DNAJC14: variants seen among roughly 807,000 people sequenced by gnomAD.
The protein encoded by DNAJC14 is DnaJ heat shock protein family (Hsp40) member C14.
In DNAJC14, 12 loss-of-function variants were observed where a neutral mutation model predicts 68.8. The ratio of observed to expected loss-of-function variants is 0.17; its 90% CI spans 0.11 to 0.28. The LOEUF (loss-of-function observed/expected upper bound fraction) is 0.28, where lower values mean the gene tolerates loss of function less well. Ranked by LOEUF, DNAJC14 falls within the 10% of genes least tolerant of loss-of-function variation. The pLI, the probability that DNAJC14 is intolerant of heterozygous loss-of-function variation, is 1.00. For synonymous variants in DNAJC14, 350 were observed against 321.5 expected (o/e 1.09, Z -0.95); for missense variants, 764 against 875.6 (o/e 0.87, Z 1.61).
In DNAJC14 at chr12:55,825,824, G is replaced by A. The variant is rs189189328; in HGVS notation, c.1407+1428C>T. 3.3e-3 allele frequency among the ~76,000 whole-genome samples: 495 copies of A among 151,708 alleles called. 1 individual carries two copies. Among genetic ancestry groups the A allele is most frequent in the Non-Finnish European group, 4.0e-3 (270 of 67,908 alleles). ...CTCCCAAAGTGCTGGGATTACAGGC[G>A]TAAGCCACCGCGCCTGGCCCTGCAC... On this transcript the variant is annotated intron_variant, in intron 2 of 6. Coordinates refer to ENST00000678005, the MANE Select transcript of DNAJC14 (RefSeq NM_032364.6).
In DNAJC14 at chr12:55,827,816, G is replaced by A; in HGVS notation, c.843C>T (p.Ser281=). 6.2e-7 allele frequency: 1 copy of A among 1,614,018 alleles called. No individual in the cohort carries two copies. Among genetic ancestry groups the A allele is most frequent in the South Asian group, 1.1e-5 (1 of 91,064 alleles). ...AAACTCGAAAAAGGTCCAAATCACTGCTTTTCAGTTGCCTGCAGGCATAGA... is the reference window on the plus strand; with the variant it reads ...AAACTCGAAAAAGGTCCAAATCACTACTTTTCAGTTGCCTGCAGGCATAGA... ...HLIYACRQLK[S]SDLDLFRVWM... The change falls in exon 2 of 7, where the codon AGC becomes AGT. Residue 281 remains serine, a synonymous_variant. Coordinates refer to ENST00000678005, the MANE Select transcript of DNAJC14 (RefSeq NM_032364.6).
At chr12:55,829,282 T>C in intron 1 of DNAJC14, 1 of 866,374 alleles carries the variant, frequency 1.2e-6, no homozygotes, top group Non-Finnish European at 1.4e-6. Context: ...CCGTCTCTAC[T>C]AAAAATACAG....
rs1880656723 is a variant in DNAJC14 at position 55,821,236 on chromosome 12, A to G, written c.*741T>C. 1 of 152,784 alleles carries G rather than the reference A, an allele frequency of 6.5e-6. No homozygotes were observed. Among genetic ancestry groups the G allele is most frequent in the East Asian group, 1.9e-4 (1 of 5,196 alleles). The allele number at this position is 152,784 out of a possible 1,614,324, so 9.5% of individuals were successfully genotyped here. The stretch of plus-strand genomic sequence containing the variant: ...TACCCACAAAGTGAAAGTCGAGGGA[A>G]AATTCAGTTTCCAGTCTCTGAACTC... On this transcript the variant is annotated 3_prime_UTR_variant, in exon 7 of 7. Coordinates refer to ENST00000678005, the MANE Select transcript of DNAJC14 (RefSeq NM_032364.6).
In DNAJC14 at chr12:55,822,169, A is replaced by G; in HGVS notation, c.1917T>C (p.Pro639=). Residue 639 remains proline, a synonymous_variant, in exon 7 of 7, where the codon CCT becomes CCC. Transcript: ENST00000678005. The part of the protein sequence containing the change: ...RGRQRATPDA[P]PADLQDFLSR... ...TCAAGAAATCCTGAAGATCAGCAGG[A>G]GGGGCATCTGGGGTGGCTCTGAGGT... 6.2e-7 allele frequency: 1 copy of G among 1,600,392 alleles called. No individual in the cohort carries two copies. The highest frequency in any genetic ancestry group is 2.2e-5 in the East Asian group (1 of 44,708).
At chr12:55,823,227 A>C (rs755288619) in intron 3 of DNAJC14, 38 bp from the exon 4 acceptor site, 1 of 1,613,688 alleles carries the variant, frequency 6.2e-7, no homozygotes, top group South Asian at 1.1e-5. Context: ...GAAGGTATTG[A>C]GGGAGGGACA....
intron 2 of DNAJC14, among the ~76,000 whole-genome samples, chr12:55,824,294 GAA>G (rs1880740171): frequency 6.6e-6 from 1 of 152,046 alleles, no homozygotes; most frequent in African/African-American, 2.4e-5. Context: ...TTTTTAACTA[GAA>G]AATTCTCATA....
chr12:55,825,475 T>C (rs920113919), intron 2 of DNAJC14, among the ~76,000 whole-genome samples: 11 of 152,100 alleles, frequency 7.2e-5, no homozygotes, highest in African/African-American at 2.7e-4. Flanking sequence ...TGCAATTTGA[T>C]TGCATGCTTG....
intron 6 of DNAJC14, 64 bp downstream of exon 6, chr12:55,822,309 G>A (rs1377816431): frequency 1.9e-6 from 3 of 1,570,600 alleles, no homozygotes; most frequent in African/African-American, 2.7e-5. Flanking sequence ...CTAAAAAGCA[G>A]GTCATCTGAA....
rs1880843342 is a variant in DNAJC14 at position 55,827,849 on chromosome 12, G to A, written c.810C>T (p.Gly270=). The A allele has an allele frequency of 1.2e-6, 2 of 1,613,780 alleles. No individual in the cohort carries two copies. Among genetic ancestry groups the A allele is most frequent in the Non-Finnish European group, 1.7e-6 (2 of 1,179,782 alleles). The change falls in exon 2 of 7, where the codon GGC becomes GGT. Residue 270 remains glycine, a synonymous_variant. Transcript: ENST00000678005. The part of the protein sequence containing the change: ...VLVGEYVETC[G]HLIYACRQLK... ...GTTGCCTGCAGGCATAGATGAGATG[G>A]CCACAAGTTTCTACGTACTCTCCCA...
At chr12:55,825,613 G>A (rs982009827) in intron 2 of DNAJC14, among the ~76,000 whole-genome samples, 1 of 137,640 alleles carries the variant, frequency 7.3e-6, no homozygotes, top group Non-Finnish European at 1.5e-5. Context: ...GCGCGATCTC[G>A]GCTCACTGCA....
intron 2 of DNAJC14, among the ~76,000 whole-genome samples, chr12:55,827,040 A>C (rs536456941): frequency 6.6e-6 from 1 of 151,276 alleles, no homozygotes; most frequent in East Asian, 2.0e-4. Context: ...ATACAAAAAA[A>C]ATTAGCCGGG....
chr12:55,827,811 T>C lies in DNAJC14; in HGVS notation c.848A>G (p.Asp283Gly), dbSNP rs1171563515. The change falls in exon 2 of 7, where the codon GAT (aspartate) becomes GGT (glycine). Residue 283 changes from aspartate to glycine, a missense_variant. By Grantham distance (94) the Asp-to-Gly change is moderately conservative (BLOSUM62 -1). Coordinates refer to ENST00000678005, the MANE Select transcript of DNAJC14 (RefSeq NM_032364.6). ...IYACRQLKSS[D>G]LDLFRVWMGV... ...CATCCAAACTCGAAAAAGGTCCAAA[T>C]CACTGCTTTTCAGTTGCCTGCAGGC... 6.2e-7 allele frequency: 1 copy of C among 1,613,962 alleles called. No homozygotes were observed. The highest frequency in any genetic ancestry group is 1.1e-5 in the South Asian group (1 of 91,072).
At position 55,828,528 on chromosome 12, in the gene DNAJC14, C is replaced by T. The variant is rs1202258643; in HGVS notation, c.131G>A (p.Gly44Glu). ...GCAGCGGGTACCATTAGGAGCAGTC[C>T]CTGCTGAGTCCCTGAGTCCTGAGAA... ...PSFSGLRDSA[G>E]TAPNGTRCLT... Residue 44 changes from glycine to glutamate, a missense_variant, in exon 2 of 7, where the codon GGG becomes GAG. Physicochemically the swap from Gly to Glu is moderately conservative, Grantham distance 98. Around this residue, in one of 4 missense-constraint regions of DNAJC14, gnomAD observed 514 missense variants for 521.7 expected, o/e 0.99. Transcript: ENST00000678005. 1.2e-6 allele frequency: 2 copies of T among 1,614,032 alleles called. No homozygotes were observed. Among genetic ancestry groups the T allele is most frequent in the Non-Finnish European group, 1.7e-6 (2 of 1,180,012 alleles).
intron 2 of DNAJC14, among the ~76,000 whole-genome samples, chr12:55,823,923 C>G (rs746141342): frequency 6.7e-6 from 1 of 150,080 alleles, no homozygotes; most frequent in Non-Finnish European, 1.5e-5. Context: ...AGTCTGGTCT[C>G]GAACTCCTGA....
In DNAJC14 at chr12:55,827,520, A is replaced by T; in HGVS notation, c.1139T>A (p.Leu380Gln). The T allele has an allele frequency of 6.2e-7, 1 of 1,605,808 alleles. No individual in the cohort carries two copies. Among genetic ancestry groups the T allele is most frequent in the Non-Finnish European group, 8.5e-7 (1 of 1,172,986 alleles). Reference protein sequence around the residue: ...DSPALQRCLTLLRDSRPWQRL... With the variant: ...DSPALQRCLTQLRDSRPWQRL... Reference sequence around the variant, plus strand: ...CTGCCATGGCCTGCTATCTCTCAGCAGAGTCAAGCAACGCTGCAAGGCTGG... The same window carrying T: ...CTGCCATGGCCTGCTATCTCTCAGCTGAGTCAAGCAACGCTGCAAGGCTGG... Residue 380 changes from leucine (L) to glutamine (Q), a missense_variant, in exon 2 of 7, where the codon CTG (leucine) becomes CAG (glutamine). Transcript: ENST00000678005.
chr12:55,826,327 G>A (rs1880793805), intron 2 of DNAJC14, among the ~76,000 whole-genome samples: 1 of 131,154 alleles, frequency 7.6e-6, no homozygotes, highest in Non-Finnish European at 1.5e-5. Flanking sequence ...CCAGACTGTA[G>A]GTTCATGATC....
intron 6 of DNAJC14, 86 bp downstream of exon 6, chr12:55,822,287 C>A: frequency 6.5e-7 from 1 of 1,545,310 alleles, no homozygotes; most frequent in South Asian, 1.2e-5. Flanking sequence ...GAAAACAAGG[C>A]CCCTGGGTGT....
chr12:55,827,400 C>T lies in DNAJC14; in HGVS notation c.1259G>A (p.Arg420His), dbSNP rs559797840. 94 of 1,613,414 alleles carry T rather than the reference C, an allele frequency of 5.8e-5. No homozygotes were observed. The South Asian group carries it at 7.4e-4, about 13-fold the overall frequency. The change falls in exon 2 of 7, where the codon CGC (arginine) becomes CAC (histidine). Residue 420 changes from arginine to histidine, a missense_variant. Arg to His is a conservative substitution (Grantham distance 29). Around this residue, in one of 4 missense-constraint regions of DNAJC14, gnomAD observed 514 missense variants for 521.7 expected, o/e 0.99. Transcript: ENST00000678005. ...RQGNAPVASG[R>H]YCQPEEEVAR... ...CACTTCCTCTTCAGGCTGGCAGTAG[C>T]GCCCACTAGCTACAGGTGCATTCCC...
chr12:55,825,925 T>G (rs959146452), intron 2 of DNAJC14, among the ~76,000 whole-genome samples: 1 of 152,146 alleles, frequency 6.6e-6, no homozygotes, highest in Non-Finnish European at 1.5e-5. Flanking sequence ...TCTTGCCCTC[T>G]CCTATTCTGA....
Sources: gnomAD v4.1 joint callset for allele counts (sites outside exome capture counted in the v4.1 genomes callset) on GRCh38, gnomAD v4.1.1 for gene constraint, gnomAD v4.1.1 regional missense constraint, MANE v1.5 for transcripts, NCBI Gene and HGNC (gene_info 2026-07-23, HGNC 2026-07-21) for gene names.